Variants in C12orf56 observed in about 807,000 individuals in gnomAD.
The protein encoded by C12orf56 is chromosome 12 open reading frame 56, also known as uncharacterized protein C12orf56.
C12orf56 carries 71 observed loss-of-function variants against 69.9 expected under a neutral mutation model. That is an observed-to-expected ratio of 1.02 (90% CI 0.84 to 1.24). The LOEUF (loss-of-function observed/expected upper bound fraction) is 1.24, where lower values mean the gene tolerates loss of function less well. C12orf56 is among the 50% of genes most tolerant of loss of function. The probability of loss-of-function intolerance (pLI) is 0.00; values close to 1 mark genes in which losing one functional copy is unlikely to be tolerated. For missense variants in C12orf56, 732 were observed against 738.5 expected, an observed-to-expected ratio of 0.99 and a Z score of 0.10; for synonymous variants, 276 against 274.1, an observed-to-expected ratio of 1.01 and a Z score of -0.07.
Position 64,308,963 on chromosome 12 carries a change from G to GA in C12orf56, c.968+3715dup, listed in dbSNP as rs372033571. 3.4e-5 allele frequency among the ~76,000 whole-genome samples: 4 copies of GA among 118,588 alleles called. No individual in the cohort carries two copies. In the East Asian group the frequency reaches 9.4e-4, roughly 28 times the overall value. 77.8% of individuals were successfully genotyped at this position (118,588 alleles called of 152,430 possible). A position where few individuals can be genotyped will look rare whatever the true frequency, so the allele number is the denominator to read the frequency against. ...AAGAAGAAAGAAAGAAAGAAAGAAA[G>GA]AAAGAAAGAAAAGAAAGAAAGAAAA... On this transcript the variant is annotated intron_variant, in intron 5 of 12. Transcript: ENST00000543942.
At chr12:64,275,925 C>T (rs562881722) in intron 9 of C12orf56, among the ~76,000 whole-genome samples, 85 of 151,708 alleles carry the variant, frequency 5.6e-4, no homozygotes, top group South Asian at 1.5e-3. Context: ...AATACTAAGA[C>T]AAAAAATTGC....
rs962546890 is a variant in C12orf56 at position 64,266,475 on chromosome 12, G to A, written c.*708C>T. Reference sequence around the variant, plus strand: ...ACCCTTTGGTGTTCTACCTGGAGGCGTGGCTGGCGGATGAGATCTTGAGTG... The same window carrying A: ...ACCCTTTGGTGTTCTACCTGGAGGCATGGCTGGCGGATGAGATCTTGAGTG... On this transcript the variant is annotated 3_prime_UTR_variant, in exon 13 of 13. Transcript: ENST00000543942. The A allele has an allele frequency of 4.2e-5, 11 of 263,930 alleles. No homozygotes were observed. In the South Asian group the frequency reaches 5.4e-4, roughly 13 times the overall value. The allele number at this position is 263,930 out of a possible 1,614,324, so 16.3% of individuals were successfully genotyped here. A position where few individuals can be genotyped will look rare whatever the true frequency, so the allele number is the denominator to read the frequency against.
chr12:64,361,377 G>T (rs2039398315), intron 1 of C12orf56, among the ~76,000 whole-genome samples: 2 of 152,116 alleles, frequency 1.3e-5, no homozygotes, highest in Non-Finnish European at 2.9e-5. Context: ...CACATTCCCA[G>T]GAGGTTAAGG....
At chr12:64,285,110 T>G (rs962238016) in intron 7 of C12orf56, among the ~76,000 whole-genome samples, 5 of 150,780 alleles carry the variant, frequency 3.3e-5, no homozygotes, top group African/African-American at 1.2e-4. Flanking sequence ...AGTGTGGAGC[T>G]CAGGAGGTCA....
At chr12:64,377,745 T>C (rs1349515064) in intron 1 of C12orf56, among the ~76,000 whole-genome samples, 1 of 152,202 alleles carries the variant, frequency 6.6e-6, no homozygotes, top group Non-Finnish European at 1.5e-5. Flanking sequence ...CAATTCACCA[T>C]AAGTATTTTT....
intron 1 of C12orf56, among the ~76,000 whole-genome samples, chr12:64,389,623 A>C (rs1292840481): frequency 6.6e-6 from 1 of 151,918 alleles, no homozygotes; most frequent in Non-Finnish European, 1.5e-5. Context: ...CAGCCTCCCA[A>C]GTAGTTGGGA....
intron 1 of C12orf56, 72 bp from the exon 2 acceptor site, chr12:64,353,128 C>T: frequency 6.9e-7 from 1 of 1,454,284 alleles, no homozygotes; most frequent in Non-Finnish European, 9.4e-7. Flanking sequence ...AATAAATCCC[C>T]CAAAGCTAAC....
chr12:64,302,722 C>T (rs985061665), intron 6 of C12orf56, among the ~76,000 whole-genome samples: 1 of 152,158 alleles, frequency 6.6e-6, no homozygotes, highest in Admixed American at 6.5e-5. Context: ...CTGTAATTTA[C>T]TGAGTGAGAA....
Position 64,334,037 on chromosome 12 carries a change from C to A in C12orf56, c.416-3005G>T, listed in dbSNP as rs933233588. Among the ~76,000 whole-genome samples the A allele has an allele frequency of 7.2e-5, 11 of 152,180 alleles. No homozygotes were observed. In the East Asian group the frequency reaches 2.1e-3, roughly 29 times the overall value. On this transcript the variant is annotated intron_variant, in intron 2 of 12. Coordinates refer to ENST00000543942, the MANE Select transcript of C12orf56 (RefSeq NM_001170633.2). ...TGTGCATGTAGCAGTTGACATGCTTCTTCAGTGGCTTGGATATGAATTCCT... is the reference window on the plus strand; with the variant it reads ...TGTGCATGTAGCAGTTGACATGCTTATTCAGTGGCTTGGATATGAATTCCT...
At chr12:64,328,231 T>C (rs951301144) in intron 3 of C12orf56, among the ~76,000 whole-genome samples, 5 of 152,156 alleles carry the variant, frequency 3.3e-5, no homozygotes, top group African/African-American at 1.2e-4. Context: ...TTTGCAATGC[T>C]TTTCTAATCT....
chr12:64,383,657 G>A (rs537495802), intron 1 of C12orf56, among the ~76,000 whole-genome samples: 25 of 152,144 alleles, frequency 1.6e-4, no homozygotes, highest in African/African-American at 5.3e-4. Context: ...TTACAGGCAT[G>A]AGCCACCACG....
intron 5 of C12orf56, among the ~76,000 whole-genome samples, chr12:64,310,494 C>T (rs1217470611): frequency 2.0e-5 from 3 of 152,170 alleles, no homozygotes; most frequent in East Asian, 1.9e-4. Context: ...GAACTCGTTA[C>T]GGTTCATGGA....
chr12:64,294,072 A>T (rs780389233), intron 6 of C12orf56, among the ~76,000 whole-genome samples: 14 of 152,184 alleles, frequency 9.2e-5, no homozygotes, highest in Non-Finnish European at 1.6e-4. Flanking sequence ...GCCAATAAGC[A>T]CATGAAAAAT....
intron 1 of C12orf56, among the ~76,000 whole-genome samples, chr12:64,377,619 G>A (rs1016272374): frequency 7.2e-5 from 11 of 152,072 alleles, no homozygotes; most frequent in Middle Eastern, 3.4e-3. Context: ...TATCTTATCC[G>A]TTATTCTTGC....
chr12:64,390,203 G>C, intron 1 of C12orf56, 111 bp downstream of exon 1: 2 of 1,362,352 alleles, frequency 1.5e-6, no homozygotes, highest in South Asian at 3.0e-5. Flanking sequence ...GAGGAGGGGA[G>C]TCGAGGGCAG....
intron 5 of C12orf56, among the ~76,000 whole-genome samples, chr12:64,305,865 A>T (rs1477397605): frequency 6.6e-6 from 1 of 152,196 alleles, no homozygotes; most frequent in Non-Finnish European, 1.5e-5. Context: ...AACTCCAACA[A>T]CAGAAATGTA....
intron 3 of C12orf56, among the ~76,000 whole-genome samples, chr12:64,325,254 A>AGT (rs2038822593): frequency 6.6e-6 from 1 of 152,062 alleles, no homozygotes; most frequent in East Asian, 1.9e-4. Context: ...AAGCAGCAGC[A>AGT]GTGGAGCTGG....
chr12:64,268,231 AAG>A (rs913698706), intron 12 of C12orf56, among the ~76,000 whole-genome samples: 1 of 152,186 alleles, frequency 6.6e-6, no homozygotes, highest in African/African-American at 2.4e-5. Context: ...AAGAGTAAGC[AAG>A]AGAGAGAGGA....
intron 2 of C12orf56, among the ~76,000 whole-genome samples, chr12:64,348,836 TGAC>T (rs2039183251): frequency 6.6e-6 from 1 of 152,216 alleles, no homozygotes; most frequent in Admixed American, 6.5e-5. Context: ...TATAGAACTT[TGAC>T]AGATGCTCTC....
Sources: gnomAD v4.1 joint callset for allele counts (sites outside exome capture counted in the v4.1 genomes callset) on GRCh38, gnomAD v4.1.1 for gene constraint, MANE v1.5 for transcripts, NCBI Gene and HGNC (gene_info 2026-07-23, HGNC 2026-07-21) for gene names.